The following RABEP1 variants were observed in gnomAD, a reference collection of about 807,000 sequenced individuals.
RABEP1 encodes rab GTPase-binding effector protein 1.
A neutral mutation model predicts 123.4 loss-of-function variants in RABEP1; 51 were observed. The ratio of observed to expected loss-of-function variants is 0.41; its 90% CI spans 0.33 to 0.52. The LOEUF (loss-of-function observed/expected upper bound fraction) is 0.52. RABEP1 is among the 20% of genes least tolerant of loss of function. RABEP1 has a pLI of 0.16. For synonymous variants in RABEP1, 347 were observed against 355.2 expected (o/e 0.98, Z 0.26); for missense variants, 888 against 996.3 (o/e 0.89, Z 1.46).
intron 1 of RABEP1, among the ~76,000 whole-genome samples, chr17:5,286,899 T>G (rs1597320950): frequency 6.6e-6 from 1 of 152,198 alleles, no homozygotes; most frequent in Non-Finnish European, 1.5e-5. Flanking sequence ...AATAGGCTGG[T>G]CAGGCAGCTT....
intron 7 of RABEP1, 129 bp from the exon 8 acceptor site, chr17:5,354,227 CAAA>C (rs892223976): frequency 3.9e-6 from 3 of 767,236 alleles, no homozygotes; most frequent in African/African-American, 3.6e-5. Flanking sequence ...GATTACAAAA[CAAA>C]GAAGCGTAAG....
At chr17:5,336,737 A>G (rs879623834) in intron 4 of RABEP1, 16 of 243,056 alleles carry the variant, frequency 6.6e-5, no homozygotes, top group Non-Finnish European at 1.2e-4. Flanking sequence ...TTTTTATCAG[A>G]TGACCTTTAT....
chr17:5,311,579 C>A (rs1434285174), intron 2 of RABEP1, among the ~76,000 whole-genome samples: 1 of 151,406 alleles, frequency 6.6e-6, no homozygotes. Flanking sequence ...GTCTGTAATC[C>A]CAGCTACTCA....
chr17:5,311,720 A>C (rs902981792), intron 2 of RABEP1, among the ~76,000 whole-genome samples: 4 of 139,172 alleles, frequency 2.9e-5, no homozygotes, highest in African/African-American at 1.2e-4. Flanking sequence ...AAAAAAAAAA[A>C]CAGACTAAAA....
At chr17:5,290,127 G>A (rs538036657) in intron 1 of RABEP1, among the ~76,000 whole-genome samples, 32 of 152,186 alleles carry the variant, frequency 2.1e-4, no homozygotes, top group Middle Eastern at 3.4e-3. Flanking sequence ...TCGCTCTGTC[G>A]CCCAGGCTAG....
At chr17:5,367,429 G>A (rs541984960) in intron 11 of RABEP1, among the ~76,000 whole-genome samples, 261 of 150,204 alleles carry the variant, frequency 1.7e-3, no homozygotes, top group East Asian at 2.6e-3. Flanking sequence ...CCGCCACCAC[G>A]CCCGGCTAAT....
At position 5,299,719 on chromosome 17, in the gene RABEP1, C is replaced by CTTTTTTTTTTTTTTTTTTTTTTTTT. The variant is rs146585957; in HGVS notation, c.35-8970_35-8969insTTTTTTTTTTTTTTTTTTTTTTTTT. Among the ~76,000 whole-genome samples, 70 of 98,828 alleles carry CTTTTTTTTTTTTTTTTTTTTTTTTT rather than the reference C, an allele frequency of 7.1e-4. 8 individuals are homozygous for CTTTTTTTTTTTTTTTTTTTTTTTTT. Among genetic ancestry groups the CTTTTTTTTTTTTTTTTTTTTTTTTT allele is most frequent in the East Asian group, 1.5e-3 (3 of 1,936 alleles). 64.8% of individuals were successfully genotyped at this position (98,828 alleles called of 152,430 possible). On this transcript the variant is annotated intron_variant, in intron 1 of 17. Transcript: ENST00000537505. ...TCATTTCTTTTTCTTTTTTTCTTTT[C>CTTTTTTTTTTTTTTTTTTTTTTTTT]TTTTTCTTTTTCTTTTTTTTTTTTT...
At position 5,386,149 on chromosome 17, in the gene RABEP1, T is replaced by C. The variant is rs1465499758; in HGVS notation, c.*2926T>C. ...TTAGATAATTCTACCTGTTTTACAA[T>C]ATGGGTTTAAGCCTTCAATGGTGTT... is the stretch of plus-strand genomic sequence containing the variant. On this transcript the variant is annotated 3_prime_UTR_variant, in exon 18 of 18. Coordinates refer to ENST00000537505, the MANE Select transcript of RABEP1 (RefSeq NM_004703.6). The C allele has an allele frequency of 1.9e-5, 24 of 1,289,846 alleles. No homozygotes were observed. The highest frequency in any genetic ancestry group is 2.2e-6 in the Non-Finnish European group (2 of 915,304). 79.9% of individuals were successfully genotyped at this position (1,289,846 alleles called of 1,614,324 possible). A position where few individuals can be genotyped will look rare whatever the true frequency, so the allele number is the denominator to read the frequency against.
At chr17:5,367,062 C>T (rs1256723633) in intron 11 of RABEP1, among the ~76,000 whole-genome samples, 1 of 150,766 alleles carries the variant, frequency 6.6e-6, no homozygotes, top group Admixed American at 6.6e-5. Flanking sequence ...GCACTCCCGC[C>T]TGGGCAACAA....
chr17:5,365,721 T>G (rs1243938122), intron 11 of RABEP1, among the ~76,000 whole-genome samples: 1 of 152,228 alleles, frequency 6.6e-6, no homozygotes, highest in Non-Finnish European at 1.5e-5. Flanking sequence ...GCAGCCACTG[T>G]CCTAACTTGT....
intron 5 of RABEP1, among the ~76,000 whole-genome samples, 176 bp from the exon 6 acceptor site, chr17:5,346,614 A>T (rs1182605746): frequency 6.6e-6 from 1 of 152,154 alleles, no homozygotes; most frequent in Non-Finnish European, 1.5e-5. Flanking sequence ...CTATTAAGTT[A>T]TTTTCCCAGT....
intron 1 of RABEP1, among the ~76,000 whole-genome samples, chr17:5,287,902 A>G (rs1310487889): frequency 6.6e-6 from 1 of 151,856 alleles, no homozygotes; most frequent in Admixed American, 6.6e-5. Context: ...ACAGAGTAAG[A>G]CCCTGTCTCA....
At chr17:5,335,105 T>C (rs1906937520) in intron 3 of RABEP1, 79 bp from the exon 4 acceptor site, 9 of 1,275,428 alleles carry the variant, frequency 7.1e-6, no homozygotes, top group Non-Finnish European at 1.1e-6. Flanking sequence ...GCTTTTTATA[T>C]AACTTTAAAA....
At chr17:5,290,592 AT>A (rs2075023795) in intron 1 of RABEP1, among the ~76,000 whole-genome samples, 1 of 152,046 alleles carries the variant, frequency 6.6e-6, no homozygotes, top group Non-Finnish European at 1.5e-5. Flanking sequence ...TTAAATAATA[AT>A]ATTTATTATT....
chr17:5,326,711 AGAG>A (rs548696483), intron 2 of RABEP1, among the ~76,000 whole-genome samples: 70 of 152,280 alleles, frequency 4.6e-4, no homozygotes, highest in African/African-American at 1.6e-3. Context: ...TGCCTGTAGT[AGAG>A]GAGTGTGGAT....
chr17:5,289,676 A>C (rs1047803484), intron 1 of RABEP1, among the ~76,000 whole-genome samples: 2 of 152,206 alleles, frequency 1.3e-5, no homozygotes, highest in Non-Finnish European at 2.9e-5. Flanking sequence ...ACTAGTAGAC[A>C]TAAGGAACAG....
chr17:5,344,546 G>A (rs1021144169), intron 5 of RABEP1, among the ~76,000 whole-genome samples: 1 of 151,980 alleles, frequency 6.6e-6, no homozygotes, highest in Non-Finnish European at 1.5e-5. Context: ...GCCGAGGCGG[G>A]CGGATCACGA....
chr17:5,355,279 C>A (rs1292303182), intron 8 of RABEP1, among the ~76,000 whole-genome samples: 1 of 152,162 alleles, frequency 6.6e-6, no homozygotes, highest in African/African-American at 2.4e-5. Flanking sequence ...GCTGTATTCC[C>A]ACTTGGTCTG....
At chr17:5,381,534 G>C (rs756110318) in intron 17 of RABEP1, 29 bp downstream of exon 17, 1 of 1,600,448 alleles carries the variant, frequency 6.2e-7, no homozygotes, top group Admixed American at 1.7e-5. Flanking sequence ...CACATACAGA[G>C]CACGAAGGCA....
Sources: gnomAD v4.1 joint callset for allele counts (sites outside exome capture counted in the v4.1 genomes callset) on GRCh38, gnomAD v4.1.1 for gene constraint, MANE v1.5 for transcripts, NCBI Gene and HGNC (gene_info 2026-07-23, HGNC 2026-07-21) for gene names.